The following MYRFL variants were observed in gnomAD, a reference collection of about 807,000 sequenced individuals.
MYRFL encodes the protein myelin regulatory factor like.
A neutral mutation model predicts 109.4 loss-of-function variants in MYRFL; 88 were observed. That is an observed-to-expected ratio of 0.80 (90% CI 0.68 to 0.96). The LOEUF (loss-of-function observed/expected upper bound fraction) is 0.96. Among genes scored for constraint, MYRFL ranks in the 40% least tolerant of loss-of-function variants. The pLI, the probability that MYRFL is intolerant of heterozygous loss-of-function variation, is 0.00. For missense variants in MYRFL, 957 were observed against 954.9 expected, an observed-to-expected ratio of 1.00 and a Z score of -0.03; for synonymous variants, 324 against 320.9, an observed-to-expected ratio of 1.01 and a Z score of -0.10.
At chr12:69,933,910 A>T (rs1167946467) in intron 16 of MYRFL, among the ~76,000 whole-genome samples, 1 of 152,056 alleles carries the variant, frequency 6.6e-6, no homozygotes, top group Non-Finnish European at 1.5e-5. Flanking sequence ...TACCACTAAG[A>T]CTGTAGATGG....
intron 13 of MYRFL, among the ~76,000 whole-genome samples, chr12:69,923,900 T>A (rs1165702499): frequency 6.6e-6 from 1 of 152,094 alleles, no homozygotes; most frequent in Non-Finnish European, 1.5e-5. Flanking sequence ...TTAAAATACC[T>A]ACATATGGGC....
chr12:69,855,075 T>C (rs1305129633), intron 1 of MYRFL, among the ~76,000 whole-genome samples: 1 of 152,192 alleles, frequency 6.6e-6, no homozygotes, highest in Non-Finnish European at 1.5e-5. Flanking sequence ...TGGAAATAAT[T>C]TGGCCTACCA....
chr12:69,895,593 C>G, intron 9 of MYRFL, 112 bp downstream of exon 9: 1 of 701,016 alleles, frequency 1.4e-6, no homozygotes, highest in Non-Finnish European at 2.4e-6. Context: ...AACACAGGGC[C>G]TCTAAGCCAC....
In MYRFL at chr12:69,882,770, G is replaced by A. The variant is rs146542630; in HGVS notation, c.556+2478G>A. On this transcript the variant is annotated intron_variant, in intron 5 of 24. Coordinates refer to ENST00000552032, the MANE Select transcript of MYRFL (RefSeq NM_182530.3). ...TGAAAAAAGGGTTCATGGCCTCCCT[G>A]GAAGGCTTCAATCTTCTCTTATTTT... 1.5e-3 allele frequency among the ~76,000 whole-genome samples: 231 copies of A among 152,272 alleles called. 1 individual carries two copies. Among genetic ancestry groups the A allele is most frequent in the Admixed American group, 3.9e-3 (59 of 15,298 alleles).
chr12:69,851,864 G>A (rs559266360), intron 1 of MYRFL, among the ~76,000 whole-genome samples: 11 of 152,080 alleles, frequency 7.2e-5, no homozygotes, highest in African/African-American at 1.2e-4. Flanking sequence ...GTTTCGCTAC[G>A]TTGCCCAGGC....
At chr12:69,922,594 C>A (rs1954949239) in intron 13 of MYRFL, among the ~76,000 whole-genome samples, 3 of 152,074 alleles carry the variant, frequency 2.0e-5, no homozygotes, top group Non-Finnish European at 4.4e-5. Flanking sequence ...CCTCTTCCAC[C>A]AACTAGATTA....
intron 1 of MYRFL, among the ~76,000 whole-genome samples, chr12:69,831,308 G>A (rs114357055): frequency 0.024 from 3,588 of 152,206 alleles, 131 homozygotes; most frequent in African/African-American, 0.081. Context: ...TGCTGTGAGC[G>A]AAGAGGTGAA....
chr12:69,847,038 T>C (rs1293404126), intron 1 of MYRFL, among the ~76,000 whole-genome samples: 5 of 152,160 alleles, frequency 3.3e-5, no homozygotes, highest in Non-Finnish European at 7.3e-5. Flanking sequence ...CACTTTTTGA[T>C]GGGGTTGTTT....
intron 2 of MYRFL, among the ~76,000 whole-genome samples, chr12:69,870,975 A>G (rs1267958718): frequency 1.3e-5 from 2 of 152,120 alleles, no homozygotes; most frequent in African/African-American, 4.8e-5. Context: ...TTATTACATT[A>G]TTGAATTCAA....
At chr12:69,847,012 G>A (rs1333176420) in intron 1 of MYRFL, among the ~76,000 whole-genome samples, 1 of 152,006 alleles carries the variant, frequency 6.6e-6, no homozygotes, top group African/African-American at 2.4e-5. Flanking sequence ...AGAAGTGTCT[G>A]TTCATATCCT....
Position 69,891,678 on chromosome 12 carries a change from T to TTTCTTTCTTTCTTTCTTTCG in MYRFL, c.903+519_903+520insTTTCTTTCTTTCGTTCTTTC, listed in dbSNP as rs1555249414. On this transcript the variant is annotated intron_variant, in intron 7 of 24. Transcript: ENST00000552032. Reference sequence around the variant, plus strand: ...CTTTCTTTCTTTCTTTCTTTCTTTCTTTCTTTCGTTCGTTCGTTCTTTCTT... The same window carrying TTTCTTTCTTTCTTTCTTTCG: ...CTTTCTTTCTTTCTTTCTTTCTTTCTTTCTTTCTTTCTTTCTTTCGTTCTTTCGTTCGTTCGTTCTTTCTT... 2.7e-5 allele frequency among the ~76,000 whole-genome samples: 3 copies of TTTCTTTCTTTCTTTCTTTCG among 112,436 alleles called. 1 individual carries two copies. The highest frequency in any genetic ancestry group is 1.2e-4 in the African/African-American group (3 of 24,420). 73.8% of individuals were successfully genotyped at this position (112,436 alleles called of 152,430 possible).
Position 69,957,811 on chromosome 12 carries a change from G to T in MYRFL, c.2451-11G>T. 6.6e-7 allele frequency: 1 copy of T among 1,508,040 alleles called. No individual in the cohort carries two copies. 93.4% of individuals were successfully genotyped at this position (1,508,040 alleles called of 1,614,324 possible). A position where few individuals can be genotyped will look rare whatever the true frequency, so the allele number is the denominator to read the frequency against. ...TTTTCAGGTGCTCTTTCTTTTCTTT[G>T]TCTCTTGAAGCACAACAGAGCCATT... On this transcript the variant is annotated splice_polypyrimidine_tract_variant and intron_variant, in intron 22 of 24. Coordinates refer to ENST00000552032, the MANE Select transcript of MYRFL (RefSeq NM_182530.3).
At chr12:69,929,789 C>T (rs932074472) in intron 15 of MYRFL, among the ~76,000 whole-genome samples, 2 of 152,088 alleles carry the variant, frequency 1.3e-5, no homozygotes, top group Admixed American at 6.5e-5. Flanking sequence ...TCGAGTGAAA[C>T]TTAGCCTTCC....
intron 13 of MYRFL, among the ~76,000 whole-genome samples, chr12:69,915,388 T>C (rs753264873): frequency 1.3e-5 from 2 of 152,208 alleles, no homozygotes; most frequent in Non-Finnish European, 2.9e-5. Context: ...GAAATTTTCA[T>C]TGAAGTTCGA....
chr12:69,865,735 T>C (rs1884981679), intron 2 of MYRFL, among the ~76,000 whole-genome samples: 1 of 152,116 alleles, frequency 6.6e-6, no homozygotes. Flanking sequence ...TAATGGTCCT[T>C]CCTACCAGAC....
At chr12:69,934,914 A>G (rs996222785) in intron 16 of MYRFL, among the ~76,000 whole-genome samples, 63 of 152,226 alleles carry the variant, frequency 4.1e-4, no homozygotes, top group African/African-American at 1.5e-3. Flanking sequence ...ACAGGAATAG[A>G]AGTTCTCACT....
intron 1 of MYRFL, among the ~76,000 whole-genome samples, chr12:69,832,860 T>A (rs909364234): frequency 8.6e-5 from 13 of 151,918 alleles, no homozygotes; most frequent in Admixed American, 8.5e-4. Context: ...GAGGAATCTG[T>A]TTAGGATGAT....
chr12:69,853,633 G>A (rs1356471441), intron 1 of MYRFL, among the ~76,000 whole-genome samples: 1 of 146,542 alleles, frequency 6.8e-6, no homozygotes, highest in Non-Finnish European at 1.5e-5. Flanking sequence ...TTCCCAGACT[G>A]GGCGGCTGGG....
intron 21 of MYRFL, among the ~76,000 whole-genome samples, chr12:69,955,039 A>C (rs1192852087): frequency 1.3e-5 from 2 of 152,164 alleles, no homozygotes; most frequent in African/African-American, 4.8e-5. Context: ...TGTCTCTTTA[A>C]AGGGGACTAA....
Sources: allele counts gnomAD v4.1 joint callset (sites outside exome capture counted in the v4.1 genomes callset), GRCh38; gene constraint gnomAD v4.1.1; transcripts MANE v1.5; gene names NCBI Gene and HGNC (gene_info 2026-07-23, HGNC 2026-07-21).